The following LIN7A variants were observed in gnomAD, a reference collection of about 807,000 sequenced individuals.
LIN7A encodes protein lin-7 homolog A.
A neutral mutation model predicts 29.8 loss-of-function variants in LIN7A; 25 were observed. That is an observed-to-expected ratio of 0.84 (90% CI 0.61 to 1.17). LIN7A has a LOEUF of 1.17. LIN7A is among the 50% of genes most tolerant of loss of function. The pLI is 0.00. For missense variants in LIN7A, 239 were observed against 287.0 expected, an observed-to-expected ratio of 0.83 and a Z score of 1.21; for synonymous variants, 118 against 107.5, an observed-to-expected ratio of 1.10 and a Z score of -0.60.
intron 1 of LIN7A, among the ~76,000 whole-genome samples, chr12:80,929,045 A>G (rs562437289): frequency 8.5e-5 from 13 of 152,278 alleles, no homozygotes; most frequent in African/African-American, 3.1e-4. Flanking sequence ...GAGAGTTTTT[A>G]TAATATTTTG....
chr12:80,857,006 C>T (rs1873634549), intron 2 of LIN7A, among the ~76,000 whole-genome samples: 1 of 152,082 alleles, frequency 6.6e-6, no homozygotes, highest in Middle Eastern at 3.2e-3. Context: ...AAGATCTGCC[C>T]GTGTGGTTGA....
At chr12:80,836,586 C>T (rs1807794837) in intron 4 of LIN7A, among the ~76,000 whole-genome samples, 1 of 151,950 alleles carries the variant, frequency 6.6e-6, no homozygotes, top group Non-Finnish European at 1.5e-5. Flanking sequence ...GTCTGGGAGG[C>T]AGAGTTTGCA....
chr12:80,924,440 T>G (rs1005281005), intron 1 of LIN7A, among the ~76,000 whole-genome samples: 2 of 152,248 alleles, frequency 1.3e-5, no homozygotes, highest in African/African-American at 2.4e-5. Context: ...GAGCACTTAC[T>G]ATGGACCTGG....
rs564540756 is a variant in LIN7A, at chr12:80,812,941, A to G, written c.484-1258T>C. ...AAAAAATAAAAAATATAAATGGACAATAGACCTCAGAAAAGATATTCAAAC... is the reference window on the plus strand; with the variant it reads ...AAAAAATAAAAAATATAAATGGACAGTAGACCTCAGAAAAGATATTCAAAC... On this transcript the variant is annotated intron_variant, in intron 4 of 5. Coordinates refer to ENST00000552864, the MANE Select transcript of LIN7A (RefSeq NM_004664.4). Among the ~76,000 whole-genome samples the G allele has an allele frequency of 1.1e-3, 168 of 152,332 alleles. 1 individual carries two copies. Among genetic ancestry groups the G allele is most frequent in the African/African-American group, 4.0e-3 (166 of 41,588 alleles).
intron 2 of LIN7A, among the ~76,000 whole-genome samples, chr12:80,868,463 G>T (rs1045733560): frequency 6.6e-6 from 1 of 152,210 alleles, no homozygotes; most frequent in Non-Finnish European, 1.5e-5. Flanking sequence ...AGCTACTTGG[G>T]AGGCTGAGTC....
chr12:80,839,288 T>C (rs985101487), intron 4 of LIN7A, among the ~76,000 whole-genome samples: 2 of 152,202 alleles, frequency 1.3e-5, no homozygotes, highest in Non-Finnish European at 2.9e-5. Context: ...AGTTCTGCCA[T>C]TTAGTAGCTA....
chr12:80,841,403 GGA>G (rs1872815030), intron 4 of LIN7A, among the ~76,000 whole-genome samples: 1 of 132,640 alleles, frequency 7.5e-6, no homozygotes, highest in African/African-American at 2.8e-5. Flanking sequence ...AAGGAAGGAA[GGA>G]AGGAGGGAAA....
intron 1 of LIN7A, among the ~76,000 whole-genome samples, chr12:80,907,055 C>CTCTGTGTGTGTGTGTGTG (rs1555228957): frequency 6.9e-6 from 1 of 145,298 alleles, no homozygotes. Flanking sequence ...AGTGCGTGCT[C>CTCTGTGTGTGTGTGTGTG]TGTGTGTGTG....
intron 1 of LIN7A, among the ~76,000 whole-genome samples, chr12:80,926,291 A>G (rs1041968957): frequency 1.6e-4 from 24 of 152,232 alleles, no homozygotes; most frequent in African/African-American, 5.8e-4. Context: ...CATGACATAC[A>G]GAAGGCATTC....
intron 1 of LIN7A, among the ~76,000 whole-genome samples, chr12:80,900,103 T>C (rs1462076169): frequency 6.6e-6 from 1 of 152,148 alleles, no homozygotes; most frequent in Non-Finnish European, 1.5e-5. Flanking sequence ...CCTGTGGAGA[T>C]GGTGGTAACA....
intron 1 of LIN7A, among the ~76,000 whole-genome samples, chr12:80,906,820 A>G (rs774623211): frequency 2.2e-4 from 34 of 152,122 alleles, no homozygotes; most frequent in Non-Finnish European, 4.0e-4. Context: ...TGAACCTAAA[A>G]TGAAAATCGG....
At chr12:80,885,499 A>C (rs1875278649) in intron 2 of LIN7A, among the ~76,000 whole-genome samples, 3 of 152,142 alleles carry the variant, frequency 2.0e-5, no homozygotes, top group Non-Finnish European at 2.9e-5. Flanking sequence ...GATTAGATGC[A>C]ATTTAAATAT....
At chr12:80,827,941 C>T (rs1044221033) in intron 4 of LIN7A, among the ~76,000 whole-genome samples, 5 of 151,712 alleles carry the variant, frequency 3.3e-5, no homozygotes, top group African/African-American at 7.3e-5. Flanking sequence ...CTTGCTTATA[C>T]CTAGTTCATT....
intron 4 of LIN7A, among the ~76,000 whole-genome samples, chr12:80,836,286 C>T (rs1872586413): frequency 6.6e-6 from 1 of 152,214 alleles, no homozygotes; most frequent in South Asian, 2.1e-4. Flanking sequence ...TTCACACAAG[C>T]TCTTTCTTAT....
rs565191397 is a variant in LIN7A, at chr12:80,834,225, T to C, written c.483+11505A>G. Among the ~76,000 whole-genome samples the C allele has an allele frequency of 1.2e-4, 18 of 152,300 alleles. No individual in the cohort carries two copies. In the South Asian group the frequency reaches 3.7e-3, roughly 32 times the overall value. On this transcript the variant is annotated intron_variant, in intron 4 of 5. Coordinates refer to ENST00000552864, the MANE Select transcript of LIN7A (RefSeq NM_004664.4). ...GAAATGGTAGTGCTGGGTGATAAGA[T>C]AGGTTCAGGCTGATGCTAGATCAAA...
chr12:80,837,537 C>T (rs1872634021), intron 4 of LIN7A, among the ~76,000 whole-genome samples: 1 of 152,020 alleles, frequency 6.6e-6, no homozygotes, highest in Admixed American at 6.6e-5. Context: ...GAACAGATTC[C>T]CCAATAGCAC....
At chr12:80,850,757 T>C (rs1048864833) in intron 2 of LIN7A, among the ~76,000 whole-genome samples, 2 of 152,162 alleles carry the variant, frequency 1.3e-5, no homozygotes, top group African/African-American at 4.8e-5. Context: ...CGTGCAATGA[T>C]TGGTAAGCTG....
chr12:80,894,078 G>C (rs1020571174), intron 1 of LIN7A, among the ~76,000 whole-genome samples: 1 of 152,166 alleles, frequency 6.6e-6, no homozygotes, highest in African/African-American at 2.4e-5. Flanking sequence ...GCAAGGCTAG[G>C]TTCCAGAAGG....
intron 2 of LIN7A, among the ~76,000 whole-genome samples, chr12:80,874,736 C>A (rs1485675116): frequency 6.6e-6 from 1 of 152,200 alleles, no homozygotes; most frequent in Non-Finnish European, 1.5e-5. Flanking sequence ...GTAATCCCAG[C>A]ACTTTGGGAG....
Sources: allele counts gnomAD v4.1 joint callset (sites outside exome capture counted in the v4.1 genomes callset), GRCh38; gene constraint gnomAD v4.1.1; transcripts MANE v1.5; gene names NCBI Gene and HGNC (gene_info 2026-07-23, HGNC 2026-07-21).